Variants in GRIN3A observed in about 807,000 individuals in gnomAD.
GRIN3A encodes glutamate receptor ionotropic, NMDA 3A.
A neutral mutation model predicts 92.4 loss-of-function variants in GRIN3A; 47 were observed. The observed-to-expected ratio is 0.51, with a 90% CI of 0.40 to 0.65. The LOEUF (loss-of-function observed/expected upper bound fraction) is 0.65, where lower values mean the gene tolerates loss of function less well. Ranked by LOEUF, GRIN3A falls within the 30% of genes least tolerant of loss-of-function variation. GRIN3A has a pLI of 0.00. For missense variants in GRIN3A, 1,324 were observed against 1,393.1 expected, an observed-to-expected ratio of 0.95 and a Z score of 0.79; for synonymous variants, 527 against 540.6, an observed-to-expected ratio of 0.97 and a Z score of 0.35.
chr9:101,574,842 C>G (rs1185565455), intron 8 of GRIN3A, among the ~76,000 whole-genome samples: 1 of 152,134 alleles, frequency 6.6e-6, no homozygotes, highest in African/African-American at 2.4e-5. Flanking sequence ...TGAACAAGTC[C>G]AGAATGGCCT....
At chr9:101,603,416 C>T (rs960002571) in intron 6 of GRIN3A, among the ~76,000 whole-genome samples, 2 of 152,174 alleles carry the variant, frequency 1.3e-5, no homozygotes, top group Non-Finnish European at 2.9e-5. Flanking sequence ...TTCACACTTT[C>T]AGTCAGGCCC....
At chr9:101,669,149 G>T (rs1331798723) in intron 3 of GRIN3A, among the ~76,000 whole-genome samples, 1 of 152,074 alleles carries the variant, frequency 6.6e-6, no homozygotes, top group Non-Finnish European at 1.5e-5. Context: ...TCTGCACTCT[G>T]TTTCCCATCA....
intron 3 of GRIN3A, among the ~76,000 whole-genome samples, chr9:101,667,668 A>G (rs939163061): frequency 7.9e-5 from 12 of 152,082 alleles, no homozygotes; most frequent in African/African-American, 2.9e-4. Flanking sequence ...TCATGTGAGT[A>G]ACTACGGTAT....
chr9:101,625,443 C>T (rs1417920905), intron 4 of GRIN3A, among the ~76,000 whole-genome samples: 1 of 152,172 alleles, frequency 6.6e-6, no homozygotes, highest in African/African-American at 2.4e-5. Context: ...GCAGGAAACA[C>T]ATCCTTACAC....
At chr9:101,597,947 T>G (rs962555673) in intron 6 of GRIN3A, among the ~76,000 whole-genome samples, 4 of 152,174 alleles carry the variant, frequency 2.6e-5, no homozygotes, top group Non-Finnish European at 4.4e-5. Flanking sequence ...TTTGATATCT[T>G]ATGTTATAGG....
intron 3 of GRIN3A, among the ~76,000 whole-genome samples, chr9:101,631,074 A>G (rs1475902102): frequency 6.6e-6 from 1 of 152,210 alleles, no homozygotes; most frequent in Non-Finnish European, 1.5e-5. Flanking sequence ...CTTTTGTAGA[A>G]TCTATCACAG....
chr9:101,723,876 G>C (rs1335487992), intron 1 of GRIN3A, among the ~76,000 whole-genome samples: 1 of 151,816 alleles, frequency 6.6e-6, no homozygotes, highest in Non-Finnish European at 1.5e-5. Context: ...ACAATCCCTG[G>C]ACTAGACATA....
chr9:101,607,834 A>G (rs925914809), intron 6 of GRIN3A, among the ~76,000 whole-genome samples: 2 of 152,178 alleles, frequency 1.3e-5, no homozygotes, highest in African/African-American at 4.8e-5. Context: ...TTTCTGGGAG[A>G]AAGTTAAGAA....
chr9:101,684,375 T>C (rs1451842028), intron 2 of GRIN3A, among the ~76,000 whole-genome samples: 1 of 148,488 alleles, frequency 6.7e-6, no homozygotes, highest in Non-Finnish European at 1.5e-5. Flanking sequence ...CCTCCCAAAG[T>C]GCTGGGATTA....
intron 3 of GRIN3A, among the ~76,000 whole-genome samples, chr9:101,655,148 G>A (rs1829068665): frequency 6.6e-6 from 1 of 151,836 alleles, no homozygotes; most frequent in African/African-American, 2.4e-5. Flanking sequence ...TTTGCCCATG[G>A]GGAGCTATAA....
Position 101,618,067 on chromosome 9 carries a change from C to A in GRIN3A, c.2615-4540G>T, listed in dbSNP as rs28812322. Among the ~76,000 whole-genome samples the A allele has an allele frequency of 8.9e-3, 1,345 of 151,878 alleles. 24 individuals carry two copies. The highest frequency in any genetic ancestry group is 0.031 in the African/African-American group (1,292 of 41,264). The stretch of plus-strand genomic sequence containing the variant: ...ATGGATTAAAGACTTAAACATTAGA[C>A]CTAAAACCATAAAAACCCTAGAAGA... On this transcript the variant is annotated intron_variant, in intron 5 of 8. Transcript: ENST00000361820.
intron 2 of GRIN3A, among the ~76,000 whole-genome samples, chr9:101,684,347 G>A (rs776741492): frequency 7.1e-6 from 1 of 140,922 alleles, no homozygotes; most frequent in African/African-American, 2.7e-5. Context: ...TCTTGACCTC[G>A]TGATCCGCCC....
chr9:101,640,887 C>A (rs938258273), intron 3 of GRIN3A, among the ~76,000 whole-genome samples: 6 of 152,182 alleles, frequency 3.9e-5, no homozygotes, highest in Non-Finnish European at 5.9e-5. Context: ...GTACATTAAA[C>A]CTCTTTTTCT....
chr9:101,665,057 A>C (rs1405439433), intron 3 of GRIN3A, among the ~76,000 whole-genome samples: 1 of 151,906 alleles, frequency 6.6e-6, no homozygotes, highest in Admixed American at 6.6e-5. Flanking sequence ...ATACCAAAAA[A>C]AAACAGCTTA....
chr9:101,658,615 G>A (rs1829122997), intron 3 of GRIN3A, among the ~76,000 whole-genome samples: 3 of 151,810 alleles, frequency 2.0e-5, no homozygotes, highest in Admixed American at 1.3e-4. Flanking sequence ...TTTTTAGGCA[G>A]CAGTTTTTTG....
intron 3 of GRIN3A, among the ~76,000 whole-genome samples, chr9:101,643,222 A>G (rs1828889742): frequency 6.6e-6 from 1 of 152,086 alleles, no homozygotes; most frequent in African/African-American, 2.4e-5. Context: ...CAAATAATAC[A>G]ATTAAAATGT....
At chr9:101,609,007 G>A (rs1353883185) in intron 6 of GRIN3A, among the ~76,000 whole-genome samples, 1 of 152,178 alleles carries the variant, frequency 6.6e-6, no homozygotes, top group Non-Finnish European at 1.5e-5. Flanking sequence ...AGTAGAAGTG[G>A]TTGGATTCTT....
intron 6 of GRIN3A, among the ~76,000 whole-genome samples, chr9:101,608,046 T>C (rs1019241055): frequency 1.3e-5 from 2 of 152,216 alleles, no homozygotes; most frequent in Admixed American, 1.3e-4. Flanking sequence ...AGAATATGCA[T>C]TGCTGTTTAA....
At chr9:101,583,950 G>C (rs577113166) in intron 6 of GRIN3A, among the ~76,000 whole-genome samples, 5 of 152,256 alleles carry the variant, frequency 3.3e-5, no homozygotes, top group African/African-American at 9.6e-5. Context: ...TCTGCCTCCC[G>C]GGTTCAAGCA....
Sources: gnomAD v4.1 joint callset for allele counts (sites outside exome capture counted in the v4.1 genomes callset) on GRCh38, gnomAD v4.1.1 for gene constraint, MANE v1.5 for transcripts, NCBI Gene and HGNC (gene_info 2026-07-23, HGNC 2026-07-21) for gene names.